Variants in NELL1 observed in about 807,000 individuals in gnomAD.
NELL1 encodes the protein protein kinase C-binding protein NELL1.
NELL1 carries 76 observed loss-of-function variants against 107.4 expected under a neutral mutation model. That is an observed-to-expected ratio of 0.71 (90% CI 0.59 to 0.86). The LOEUF (loss-of-function observed/expected upper bound fraction) is 0.86, where lower values mean the gene tolerates loss of function less well. Among genes scored for constraint, NELL1 ranks in the 40% least tolerant of loss-of-function variants. NELL1 has a pLI of 0.00. For missense variants in NELL1, 1,024 were observed against 1,005.5 expected (o/e 1.02, Z -0.25); for synonymous variants, 353 against 341.2 (o/e 1.03, Z -0.38).
At chr11:21,040,170 ATG>A (rs745790724) in intron 12 of NELL1, among the ~76,000 whole-genome samples, 4 of 150,252 alleles carry the variant, frequency 2.7e-5, no homozygotes, top group Admixed American at 6.6e-5. Context: ...CACACTATAT[ATG>A]TGTGTGTGTG....
chr11:21,396,358 A>G (rs1851980734), intron 15 of NELL1, among the ~76,000 whole-genome samples: 1 of 151,610 alleles, frequency 6.6e-6, no homozygotes, highest in Admixed American at 6.6e-5. Flanking sequence ...CAAAAAATAT[A>G]AAAGAATCTA....
chr11:21,302,901 TA>T (rs545088474), intron 14 of NELL1, among the ~76,000 whole-genome samples: 3,881 of 145,750 alleles, frequency 0.027, 179 homozygotes, highest in African/African-American at 0.089. Flanking sequence ...ACAAAAAAAT[TA>T]AAAAAAAAAA....
chr11:21,343,869 T>A (rs1850628555), intron 14 of NELL1, among the ~76,000 whole-genome samples: 1 of 152,180 alleles, frequency 6.6e-6, no homozygotes, highest in African/African-American at 2.4e-5. Flanking sequence ...TCAGTGTCTG[T>A]GTTAAAGGAG....
intron 13 of NELL1, among the ~76,000 whole-genome samples, chr11:21,214,439 TATACTC>T: frequency 6.6e-6 from 1 of 152,104 alleles, no homozygotes. Context: ...CGAGTGAAGA[TATACTC>T]AACACCATTG....
chr11:21,007,423 G>A (rs921492208), intron 12 of NELL1, among the ~76,000 whole-genome samples: 7 of 151,608 alleles, frequency 4.6e-5, no homozygotes, highest in African/African-American at 7.3e-5. Context: ...AGACAGACAC[G>A]CACATCAGGC....
chr11:21,203,927 G>A (rs889731928), intron 13 of NELL1, among the ~76,000 whole-genome samples: 6 of 152,134 alleles, frequency 3.9e-5, no homozygotes, highest in African/African-American at 9.7e-5. Context: ...TAAGAATGTT[G>A]AATATTGGCC....
chr11:21,276,106 A>G (rs1429822095), intron 14 of NELL1, among the ~76,000 whole-genome samples: 1 of 152,234 alleles, frequency 6.6e-6, no homozygotes, highest in Non-Finnish European at 1.5e-5. Flanking sequence ...AGAGGAAGTC[A>G]AATTGTCCCT....
At chr11:21,509,662 A>G (rs74647106) in intron 15 of NELL1, among the ~76,000 whole-genome samples, 23,846 of 152,168 alleles carry the variant, frequency 0.16, 1,926 homozygotes, top group Non-Finnish European at 0.17. Context: ...ACATAAAGAA[A>G]TACACAGGAA....
intron 13 of NELL1, among the ~76,000 whole-genome samples, chr11:21,142,715 T>C (rs989848822): frequency 6.6e-6 from 1 of 152,168 alleles, no homozygotes; most frequent in Non-Finnish European, 1.5e-5. Context: ...GTTTGGGGGA[T>C]TGTTCCTGAA....
At chr11:20,921,986 GA>G (rs1369747080) in intron 7 of NELL1, among the ~76,000 whole-genome samples, 1 of 152,030 alleles carries the variant, frequency 6.6e-6, no homozygotes, top group Non-Finnish European at 1.5e-5. Context: ...ATTCTTTAAG[GA>G]TTTTCAAGGA....
At chr11:21,567,478 A>G (rs1035011843) in intron 17 of NELL1, among the ~76,000 whole-genome samples, 4 of 151,772 alleles carry the variant, frequency 2.6e-5, no homozygotes, top group African/African-American at 4.8e-5. Context: ...ATGCAAATGT[A>G]TATGTGTGTG....
intron 1 of NELL1, chr11:20,670,787 G>A (rs917080811): frequency 3.3e-5 from 5 of 151,202 alleles, no homozygotes; most frequent in South Asian, 2.1e-4. Flanking sequence ...CTCCGTACGC[G>A]CTGCACCCCA....
intron 14 of NELL1, among the ~76,000 whole-genome samples, chr11:21,254,981 G>A (rs893681051): frequency 5.3e-5 from 8 of 152,020 alleles, no homozygotes; most frequent in Non-Finnish European, 1.2e-4. Flanking sequence ...CAGAGGGAAT[G>A]GTAATGATCT....
chr11:20,676,266 T>C (rs570676957), intron 1 of NELL1, among the ~76,000 whole-genome samples: 2 of 144,100 alleles, frequency 1.4e-5, no homozygotes, highest in African/African-American at 5.0e-5. Flanking sequence ...CCCATCCAAG[T>C]TGCTTTCTAT....
intron 17 of NELL1, among the ~76,000 whole-genome samples, chr11:21,567,695 T>C (rs1247641143): frequency 2.0e-5 from 3 of 151,854 alleles, no homozygotes; most frequent in African/African-American, 2.4e-5. Flanking sequence ...TCCTGTCTGA[T>C]TATTCAGCGT....
Position 20,847,499 on chromosome 11 carries a change from C to G in NELL1, c.336-84C>G, listed in dbSNP as rs541807154. On this transcript the variant is annotated intron_variant, in intron 3 of 19. Transcript: ENST00000357134. ...TTAGCTAATTTTAGATTGTGAGAGA[C>G]CTGGTAGTAAGGGGTTGAGGGATTG... The G allele has an allele frequency of 1.7e-4, 232 of 1,372,924 alleles. No individual in the cohort carries two copies. In the African/African-American group the frequency reaches 3.1e-3, roughly 18 times the overall value. 85.0% of individuals were successfully genotyped at this position (1,372,924 alleles called of 1,614,324 possible).
chr11:20,988,213 C>T lies in NELL1; in HGVS notation c.1300+27653C>T, dbSNP rs2134253200. Among the ~76,000 whole-genome samples the T allele has an allele frequency of 2.0e-5, 3 of 152,206 alleles. No individual in the cohort carries two copies. In the Middle Eastern group the frequency reaches 0.01, roughly 518 times the overall value. ...TATCACATAGGGATGGACTGTACTT[C>T]ATATACTAAGAGCCCTTCTTCTGGG... On this transcript the variant is annotated intron_variant, in intron 12 of 19. Transcript: ENST00000357134.
intron 15 of NELL1, among the ~76,000 whole-genome samples, chr11:21,514,650 A>G (rs1406689582): frequency 7.1e-6 from 1 of 140,096 alleles, no homozygotes; most frequent in Non-Finnish European, 1.6e-5. Flanking sequence ...ATATTTAAAT[A>G]TAGCTCCCCT....
intron 7 of NELL1, among the ~76,000 whole-genome samples, chr11:20,921,839 C>T (rs1313566605): frequency 6.8e-6 from 1 of 146,258 alleles, no homozygotes; most frequent in African/African-American, 2.5e-5. Context: ...TTAATGCACG[C>T]TTTTGGCTAT....
Sources: allele counts gnomAD v4.1 joint callset (sites outside exome capture counted in the v4.1 genomes callset), GRCh38; gene constraint gnomAD v4.1.1; transcripts MANE v1.5; gene names NCBI Gene and HGNC (gene_info 2026-07-23, HGNC 2026-07-21).